The following SON variants were observed in gnomAD, a reference collection of about 807,000 sequenced individuals.
The protein encoded by SON is SON DNA and RNA binding protein.
Under a neutral mutation model 173.3 loss-of-function variants are expected in SON, and 4 were observed. That is an observed-to-expected ratio of 0.02 (90% CI 0.01 to 0.05). The LOEUF (loss-of-function observed/expected upper bound fraction) is 0.05, where lower values mean the gene tolerates loss of function less well. SON is among the 10% of genes least tolerant of loss of function. The probability of loss-of-function intolerance (pLI) is 1.00; values close to 1 mark genes in which losing one functional copy is unlikely to be tolerated. For missense variants in SON, 2,626 were observed against 3,055.3 expected (o/e 0.86, Z 3.31); for synonymous variants, 1,190 against 1,105.9 (o/e 1.08, Z -1.51).
At chr21:33,573,513 T>C (rs2086332735) in intron 9 of SON, 58 bp downstream of exon 9, 2 of 1,480,302 alleles carry the variant, frequency 1.4e-6, no homozygotes, top group East Asian at 2.3e-5. Context: ...ACCTTTAATA[T>C]ATCCTTTTGA....
rs773744991 is a variant in SON, at chr21:33,564,732, T to A, written c.6658-2425T>A. On this transcript the variant is annotated intron_variant, in intron 6 of 11. Coordinates refer to ENST00000356577, the MANE Select transcript of SON (RefSeq NM_138927.4). ...AAAATTAGCCGGGGGTGGCAGCGCATGCCTGTAATCCCAGCTACTCAGGAG... is the reference window on the plus strand; with the variant it reads ...AAAATTAGCCGGGGGTGGCAGCGCAAGCCTGTAATCCCAGCTACTCAGGAG... Among the ~76,000 whole-genome samples, 44 of 151,916 alleles carry A rather than the reference T, an allele frequency of 2.9e-4. 1 individual carries two copies. The highest frequency in any genetic ancestry group is 7.4e-5 in the Non-Finnish European group (5 of 67,970).
In SON at chr21:33,553,426, G is replaced by C. The variant is rs1419723734; in HGVS notation, c.4195G>C (p.Glu1399Gln). The change falls in exon 3 of 12, where the codon GAG becomes CAG. Residue 1399 changes from glutamate to glutamine, a missense_variant. Glu to Gln is a conservative substitution (Grantham distance 29). Transcript: ENST00000356577. The stretch of plus-strand genomic sequence containing the variant: ...TGTCCCGGAGCCTCCTGTTGTGGCT[G>C]AGCCAGACTATGTTACCATTCCTGT... Reference protein sequence around the residue: ...VTVPEPPVVAEPDYVTIPVPV... With the variant: ...VTVPEPPVVAQPDYVTIPVPV... 1 of 1,614,064 alleles carries C rather than the reference G, an allele frequency of 6.2e-7. No homozygotes were observed. Among genetic ancestry groups the C allele is most frequent in the Non-Finnish European group, 8.5e-7 (1 of 1,180,040 alleles).
intron 9 of SON, 24 bp downstream of exon 9, chr21:33,573,479 TTTA>T: frequency 6.3e-7 from 1 of 1,596,152 alleles, no homozygotes; most frequent in Non-Finnish European, 8.6e-7. Flanking sequence ...TTTTGGAATG[TTTA>T]TTAACGTCTC....
intron 8 of SON, among the ~76,000 whole-genome samples, chr21:33,571,323 T>C (rs2086279981): frequency 6.6e-6 from 1 of 152,186 alleles, no homozygotes; most frequent in Admixed American, 6.5e-5. Flanking sequence ...ATCACAAATA[T>C]TGTCTACTCA....
rs749091459 is a variant in SON, at chr21:33,549,632, A to G, written c.401A>G (p.Glu134Gly). ...EKEKKYKRQP[E>G]ESESKTKSHD... ...GAAAAAAAATATAAAAGACAGCCAGAAGAATCTGAGTCAAAGACGAAATCT... is the reference window on the plus strand; with the variant it reads ...GAAAAAAAATATAAAAGACAGCCAGGAGAATCTGAGTCAAAGACGAAATCT... Residue 134 changes from glutamate to glycine, a missense_variant, in exon 3 of 12, where the codon GAA becomes GGA. By Grantham distance (98) the Glu-to-Gly change is moderately conservative (BLOSUM62 -2). Transcript: ENST00000356577. The G allele has an allele frequency of 1.2e-5, 19 of 1,607,614 alleles. No individual in the cohort carries two copies. The South Asian group carries it at 1.7e-4, about 14-fold the overall frequency.
intron 1 of SON, among the ~76,000 whole-genome samples, chr21:33,545,802 A>C (rs2085600449): frequency 6.6e-6 from 1 of 152,228 alleles, no homozygotes; most frequent in African/African-American, 2.4e-5. Context: ...ATTGTGATTT[A>C]TGCACAGCTG....
Position 33,553,559 on chromosome 21 carries a change from C to T in SON, c.4328C>T (p.Ser1443Leu), listed in dbSNP as rs761310962. ...GAACCATCTGTTTCTGTCCAGGAATCGACTGTGACAGTTTCAGAGCCTGCT... is the reference window on the plus strand; with the variant it reads ...GAACCATCTGTTTCTGTCCAGGAATTGACTGTGACAGTTTCAGAGCCTGCT... ...VSEPSVSVQE[S>L]TVTVSEPAVT... Residue 1443 changes from serine (S) to leucine (L), a missense_variant, in exon 3 of 12, where the codon TCG (serine) becomes TTG (leucine). Coordinates refer to ENST00000356577, the MANE Select transcript of SON (RefSeq NM_138927.4). 4.3e-6 allele frequency: 7 copies of T among 1,614,122 alleles called. No homozygotes were observed. The highest frequency in any genetic ancestry group is 3.3e-4 in the Middle Eastern group (2 of 6,062).
chr21:33,547,816 G>A (rs1159573534), intron 2 of SON, among the ~76,000 whole-genome samples: 4 of 141,688 alleles, frequency 2.8e-5, no homozygotes, highest in Non-Finnish European at 6.0e-5. Flanking sequence ...CCGGGTTCAC[G>A]CCATTGTCCT....
chr21:33,564,729 G>A (rs2086133405), intron 6 of SON, among the ~76,000 whole-genome samples: 2 of 151,928 alleles, frequency 1.3e-5, no homozygotes, highest in South Asian at 2.1e-4. Context: ...GGGTGGCAGC[G>A]CATGCCTGTA....
In SON at chr21:33,552,911, C is replaced by A. The variant is rs1228299272; in HGVS notation, c.3680C>A (p.Pro1227His). 6.2e-7 allele frequency: 1 copy of A among 1,614,176 alleles called. No homozygotes were observed. The highest frequency in any genetic ancestry group is 1.1e-5 in the South Asian group (1 of 91,078). ...QSEISEPSAV[P>H]TDYSVSASDP... is the part of the protein sequence containing the mutation. Reference sequence around the variant, plus strand: ...GAGATTTCGGAGCCTTCAGCAGTGCCTACTGATTATTCAGTGTCAGCATCA... The same window carrying A: ...GAGATTTCGGAGCCTTCAGCAGTGCATACTGATTATTCAGTGTCAGCATCA... Residue 1227 changes from proline to histidine, a missense_variant, in exon 3 of 12, where the codon CCT becomes CAT. Around this residue, in one of 13 missense-constraint regions of SON, gnomAD observed 1,006 missense variants for 895.6 expected, o/e 1.12. Transcript: ENST00000356577. This position sits in a 1 kb window ranked among gnomAD's most constrained non-coding sequence, Gnocchi z 5.6.
chr21:33,553,717 C>G lies in SON; in HGVS notation c.4486C>G (p.Leu1496Val). The G allele has an allele frequency of 6.2e-7, 1 of 1,614,000 alleles. No homozygotes were observed. The highest frequency in any genetic ancestry group is 8.5e-7 in the Non-Finnish European group (1 of 1,179,972). ...GINLSSGDQN[L>V]APEIGMQEIA... ...TAATCTATCCTCTGGTGATCAAAAT[C>G]TTGCTCCAGAGATTGGCATGCAGGA... is the stretch of plus-strand genomic sequence containing the variant. The change falls in exon 3 of 12, where the codon CTT becomes GTT. Residue 1496 changes from leucine (L) to valine (V), a missense_variant. Physicochemically the swap from Leu to Val is conservative, Grantham distance 32. Transcript: ENST00000356577.
In SON at chr21:33,545,008, T is replaced by G. The variant is rs550322767; in HGVS notation, c.78-1205T>G. Among the ~76,000 whole-genome samples the G allele has an allele frequency of 5.4e-4, 83 of 152,318 alleles. 2 individuals are homozygous for G. The Middle Eastern group carries it at 0.017, about 31-fold the overall frequency. On this transcript the variant is annotated intron_variant, in intron 1 of 11. Transcript: ENST00000356577. The stretch of plus-strand genomic sequence containing the variant: ...TTGATTATTTGCCATTTCAGTGAGC[T>G]GTTTTTTTTCTCATCTGCTTTTATG...
chr21:33,547,203 C>T (rs2085638804), intron 2 of SON, among the ~76,000 whole-genome samples: 2 of 151,914 alleles, frequency 1.3e-5, no homozygotes. Flanking sequence ...GGTCTGGTCT[C>T]GATCTCTTGA....
At position 33,549,751 on chromosome 21, in the gene SON, T is replaced by G; in HGVS notation, c.520T>G (p.Phe174Val). 1 of 1,614,216 alleles carries G rather than the reference T, an allele frequency of 6.2e-7. No individual in the cohort carries two copies. The highest frequency in any genetic ancestry group is 1.1e-5 in the South Asian group (1 of 91,088). Reference sequence around the variant, plus strand: ...GGCGCTGGAGCTTCCTACAAGAGCATTTGGCCCATCTGAGACCAATGAATC... The same window carrying G: ...GGCGCTGGAGCTTCCTACAAGAGCAGTTGGCCCATCTGAGACCAATGAATC... Reference protein sequence around the residue: ...AVALELPTRAFGPSETNESPA... With the variant: ...AVALELPTRAVGPSETNESPA... The change falls in exon 3 of 12, where the codon TTT becomes GTT. Residue 174 changes from phenylalanine (F) to valine (V), a missense_variant. Phe to Val is a conservative substitution (Grantham distance 50, BLOSUM62 -1). Coordinates refer to ENST00000356577, the MANE Select transcript of SON (RefSeq NM_138927.4).
rs372837748 is a variant in SON, at chr21:33,554,705, G to T, written c.5474G>T (p.Arg1825Leu). The change falls in exon 3 of 12, where the codon CGA becomes CTA. Residue 1825 changes from arginine (R) to leucine (L), a missense_variant. Around this residue, in one of 13 missense-constraint regions of SON, gnomAD observed 1,006 missense variants for 895.6 expected, o/e 1.12. Transcript: ENST00000356577. Reference sequence around the variant, plus strand: ...AAAAGAGACTCTTCATTAAGATCTCGAAGTAAGCGTTCCAAATCTTCTGAA... The same window carrying T: ...AAAAGAGACTCTTCATTAAGATCTCTAAGTAAGCGTTCCAAATCTTCTGAA... The part of the protein sequence containing the change: ...EKKRDSSLRS[R>L]SKRSKSSEHK... 106 of 1,613,812 alleles carry T rather than the reference G, an allele frequency of 6.6e-5. No individual in the cohort carries two copies. Among genetic ancestry groups the T allele is most frequent in the Non-Finnish European group, 8.4e-5 (99 of 1,180,048 alleles).
In SON at chr21:33,555,162, CAGCCGCACCCCCAGCCGCCGG is replaced by C. The variant is rs766784590; in HGVS notation, c.5943_5963del (p.Ser1992_Arg1998del). 1.2e-4 allele frequency: 174 copies of C among 1,432,352 alleles called. No homozygotes were observed. Among genetic ancestry groups the C allele is most frequent in the Middle Eastern group, 1.2e-3 (5 of 4,264 alleles). 88.7% of individuals were successfully genotyped at this position (1,432,352 alleles called of 1,614,324 possible). On this transcript the variant is annotated inframe_deletion, in exon 3 of 12. Transcript: ENST00000356577. ...GCCGCAGCCGCACCCCCAGCCGCCG[CAGCCGCACCCCCAGCCGCCGG>C]AGCCGCACCCCTAGCCGTCGGAGCC...
chr21:33,546,691 G>A (rs1459400431), intron 2 of SON: 1 of 192,190 alleles, frequency 5.2e-6, no homozygotes, highest in Non-Finnish European at 1.1e-5. Flanking sequence ...TGAGGCAGGA[G>A]AATCGCATGA....
intron 1 of SON, among the ~76,000 whole-genome samples, chr21:33,545,780 C>T (rs757417974): frequency 6.6e-6 from 1 of 152,150 alleles, no homozygotes; most frequent in Non-Finnish European, 1.5e-5. Flanking sequence ...TTCCTTGATA[C>T]TATTGATGGT....
At chr21:33,560,239 A>G (rs2086045827) in intron 6 of SON, 1 of 1,506,362 alleles carries the variant, frequency 6.6e-7, no homozygotes, top group Non-Finnish European at 8.8e-7. Context: ...TCTTGGGTAC[A>G]TAGCCCATTG....
Sources: gnomAD v4.1 joint callset for allele counts (sites outside exome capture counted in the v4.1 genomes callset) on GRCh38, gnomAD v4.1.1 for gene constraint, gnomAD v4.1.1 regional missense constraint, Gnocchi (gnomAD v3.1) non-coding constraint, MANE v1.5 for transcripts, NCBI Gene and HGNC (gene_info 2026-07-23, HGNC 2026-07-21) for gene names.